Variants in VPS13B observed in about 807,000 individuals in gnomAD.
The protein encoded by VPS13B is intermembrane lipid transfer protein VPS13B.
VPS13B carries 285 observed loss-of-function variants against 426.4 expected under a neutral mutation model. That is an observed-to-expected ratio of 0.67 (90% CI 0.61 to 0.74). The LOEUF is 0.74. VPS13B is among the 30% of genes least tolerant of loss of function. VPS13B has a pLI of 0.00. For missense variants in VPS13B, 4,537 were observed against 4,782.6 expected, an observed-to-expected ratio of 0.95 and a Z score of 1.51; for synonymous variants, 1,676 against 1,676.4, an observed-to-expected ratio of 1.00 and a Z score of 0.01.
intron 57 of VPS13B, among the ~76,000 whole-genome samples, chr8:99,860,901 CT>C (rs1816800244): frequency 6.6e-6 from 1 of 152,210 alleles, no homozygotes; most frequent in African/African-American, 2.4e-5. Context: ...AGTTAACATC[CT>C]GAATATCAAA....
intron 7 of VPS13B, among the ~76,000 whole-genome samples, chr8:99,116,575 A>C (rs1847663659): frequency 6.6e-6 from 1 of 151,944 alleles, no homozygotes; most frequent in Admixed American, 6.6e-5. Flanking sequence ...TTAGGGCTAC[A>C]GGTACATGCC....
chr8:99,650,123 C>T (rs947120486), intron 34 of VPS13B, among the ~76,000 whole-genome samples: 2 of 152,138 alleles, frequency 1.3e-5, no homozygotes, highest in Non-Finnish European at 2.9e-5. Context: ...GTCCATTAGC[C>T]AGGACTTGGT....
intron 40 of VPS13B, among the ~76,000 whole-genome samples, chr8:99,773,387 A>G (rs952737402): frequency 6.6e-6 from 1 of 152,208 alleles, no homozygotes; most frequent in Non-Finnish European, 1.5e-5. Context: ...ATTACCATAA[A>G]GGGATCCATA....
chr8:99,735,020 C>G (rs1040212569), intron 39 of VPS13B, among the ~76,000 whole-genome samples: 1 of 152,134 alleles, frequency 6.6e-6, no homozygotes, highest in Non-Finnish European at 1.5e-5. Flanking sequence ...GAGGAATAAT[C>G]GTAGTAAATG....
At chr8:99,649,366 G>C (rs1829715338) in intron 34 of VPS13B, among the ~76,000 whole-genome samples, 2 of 151,752 alleles carry the variant, frequency 1.3e-5, no homozygotes, top group Admixed American at 6.6e-5. Context: ...CAAGTGTTAA[G>C]CTTTTTAATA....
intron 54 of VPS13B, among the ~76,000 whole-genome samples, chr8:99,842,016 C>A (rs1465286519): frequency 6.6e-6 from 1 of 152,196 alleles, no homozygotes; most frequent in Non-Finnish European, 1.5e-5. Context: ...TGTTCCCCCT[C>A]TACAGGCCAG....
intron 39 of VPS13B, among the ~76,000 whole-genome samples, chr8:99,736,876 A>C (rs1833854374): frequency 6.6e-6 from 1 of 152,110 alleles, no homozygotes; most frequent in Non-Finnish European, 1.5e-5. Context: ...TTATTTTATA[A>C]AAACTGTTAC....
chr8:99,417,255 A>G (rs1029259529), intron 21 of VPS13B, among the ~76,000 whole-genome samples: 2 of 152,218 alleles, frequency 1.3e-5, no homozygotes, highest in African/African-American at 2.4e-5. Flanking sequence ...ATAAATAATG[A>G]TAAAAGCCAA....
chr8:99,817,905 A>G, intron 45 of VPS13B, 102 bp downstream of exon 45: 1 of 1,564,602 alleles, frequency 6.4e-7, no homozygotes, highest in Non-Finnish European at 8.7e-7. Flanking sequence ...AAAGTGACAT[A>G]TAAAAAAGGG....
At chr8:99,124,120 A>T (rs1409939590) in intron 8 of VPS13B, among the ~76,000 whole-genome samples, 1 of 152,214 alleles carries the variant, frequency 6.6e-6, no homozygotes, top group Admixed American at 6.5e-5. Flanking sequence ...AGAATAAGTG[A>T]TCAATATTGT....
In VPS13B at chr8:99,818,470, C is replaced by A. The variant is rs146553331; in HGVS notation, c.8381C>A (p.Ser2794Tyr). ...GTGCAGGTGCCATCTTCAAACAGTT[C>A]CATTATTTATGTCTGGTGCACAGTT... ...IVIQVPSSNS[S>Y]IIYVWCTVLT... Residue 2794 changes from serine (S) to tyrosine (Y), a missense_variant, in exon 46 of 62, where the codon TCC becomes TAC. Around this residue, in one of 2 missense-constraint regions of VPS13B, gnomAD observed 4,311 missense variants for 4,474.3 expected, o/e 0.96. Transcript: ENST00000357162. The A allele has an allele frequency of 2.9e-5, 46 of 1,614,012 alleles. No homozygotes were observed. The East Asian group carries it at 9.6e-4, about 34-fold the overall frequency.
intron 23 of VPS13B, among the ~76,000 whole-genome samples, chr8:99,466,748 C>A (rs549348913): frequency 6.6e-6 from 1 of 152,222 alleles, no homozygotes; most frequent in Non-Finnish European, 1.5e-5. Flanking sequence ...GTCGTACCAT[C>A]AGAGATTTTG....
chr8:99,016,385 T>C (rs1841613316), intron 2 of VPS13B, among the ~76,000 whole-genome samples: 1 of 152,188 alleles, frequency 6.6e-6, no homozygotes, highest in African/African-American at 2.4e-5. Context: ...CTACTTGTTA[T>C]GTTTGTTATT....
chr8:99,462,828 CTT>C (rs1818909123), intron 23 of VPS13B, among the ~76,000 whole-genome samples: 1 of 152,152 alleles, frequency 6.6e-6, no homozygotes, highest in African/African-American at 2.4e-5. Flanking sequence ...CTTCCTCTCT[CTT>C]GGTCGTGTGA....
chr8:99,148,053 G>GT, intron 14 of VPS13B, 43 bp downstream of exon 14: 4 of 1,494,342 alleles, frequency 2.7e-6, no homozygotes, highest in African/African-American at 1.5e-5. Context: ...CTCATATATG[G>GT]ATTTTTTTTT....
At chr8:99,284,058 A>G (rs889897562) in intron 19 of VPS13B, among the ~76,000 whole-genome samples, 8 of 152,174 alleles carry the variant, frequency 5.3e-5, no homozygotes, top group African/African-American at 1.9e-4. Flanking sequence ...AGTTTAATAA[A>G]TATCTTATTG....
In VPS13B at chr8:99,383,901, C is replaced by T. The variant is rs147700000; in HGVS notation, c.2825-307C>T. Among the ~76,000 whole-genome samples, 503 of 152,220 alleles carry T rather than the reference C, an allele frequency of 3.3e-3. 2 individuals carry two copies. The highest frequency in any genetic ancestry group is 0.012 in the African/African-American group (478 of 41,528). On this transcript the variant is annotated intron_variant, in intron 19 of 61. Coordinates refer to ENST00000357162, the MANE Select transcript of VPS13B (RefSeq NM_152564.5). ...TATTGATTTCACTTTTTGGCTGTTA[C>T]GAATTATGCTGATATGAGCATTTGA...
rs1356993401 is a variant in VPS13B, at chr8:99,123,013, CG to C, written c.1206+1571del. 1.3e-5 allele frequency among the ~76,000 whole-genome samples: 2 copies of C among 148,288 alleles called. 1 individual carries two copies. The highest frequency in any genetic ancestry group is 3.0e-5 in the Non-Finnish European group (2 of 67,510). On this transcript the variant is annotated intron_variant, in intron 8 of 61. Coordinates refer to ENST00000357162, the MANE Select transcript of VPS13B (RefSeq NM_152564.5). ...ACGCATGCCTGTAATCCCAGCTACT[CG>C]GGAGGCTAAGGCAGGAGAATTGCTT...
At chr8:99,875,219 C>A in intron 61 of VPS13B, 199 bp from the exon 62 acceptor site, 1 of 741,734 alleles carries the variant, frequency 1.3e-6, no homozygotes, top group Non-Finnish European at 2.3e-6. Flanking sequence ...GTCTCATGCA[C>A]AACTTTCAGT....
Sources: gnomAD v4.1 joint callset for allele counts (sites outside exome capture counted in the v4.1 genomes callset) on GRCh38, gnomAD v4.1.1 for gene constraint, gnomAD v4.1.1 regional missense constraint, MANE v1.5 for transcripts, NCBI Gene and HGNC (gene_info 2026-07-23, HGNC 2026-07-21) for gene names.